The following TNS3 variants were observed in gnomAD, a reference collection of about 807,000 sequenced individuals.
TNS3 encodes the protein tensin-3.
Under a neutral mutation model 140.9 loss-of-function variants are expected in TNS3, and 45 were observed. The ratio of observed to expected loss-of-function variants is 0.32; its 90% CI spans 0.25 to 0.41. The LOEUF (loss-of-function observed/expected upper bound fraction) is 0.41. Ranked by LOEUF, TNS3 falls within the 10% of genes least tolerant of loss-of-function variation. TNS3 has a pLI of 1.00. For missense variants in TNS3, 1,716 were observed against 1,906.7 expected, an observed-to-expected ratio of 0.90 and a Z score of 1.86; for synonymous variants, 815 against 788.4, an observed-to-expected ratio of 1.03 and a Z score of -0.56.
rs1246071773 is a variant in TNS3, at chr7:47,277,627, G to A, written c.*449C>T. 2 of 234,496 alleles carry A rather than the reference G, an allele frequency of 8.5e-6. No individual in the cohort carries two copies. The highest frequency in any genetic ancestry group is 5.7e-5 in the South Asian group (1 of 17,420). The allele number at this position is 234,496 out of a possible 1,614,324, so 14.5% of individuals were successfully genotyped here. A position where few individuals can be genotyped will look rare whatever the true frequency, so the allele number is the denominator to read the frequency against. ...GAAGACCGAGGTGAGGGAAACCCCC[G>A]GCCTCGGGTGCAGCTGGACAGAAGC... On this transcript the variant is annotated 3_prime_UTR_variant, in exon 31 of 31. Transcript: ENST00000311160.
intron 3 of TNS3, among the ~76,000 whole-genome samples, chr7:47,488,697 A>AC (rs1223944176): frequency 6.6e-6 from 1 of 152,074 alleles, no homozygotes; most frequent in East Asian, 1.9e-4. Context: ...ACAAAATGCA[A>AC]CCCCCCAGCA....
In TNS3 at chr7:47,369,134, C is replaced by T. The variant is rs1477529947; in HGVS notation, c.1512G>A (p.Ser504=). ...GGCAGGTGAAGGGACCCAGGTGGGCCGACTGAGGCCCTTCCGAGGAGGACA... is the reference window on the plus strand; with the variant it reads ...GGCAGGTGAAGGGACCCAGGTGGGCTGACTGAGGCCCTTCCGAGGAGGACA... ...GTLSSSEGPQ[S]AHLGPFTCHK... is the part of the protein sequence containing the mutation. The change falls in exon 17 of 31, where the codon TCG becomes TCA. Residue 504 remains serine (S), a synonymous_variant. Transcript: ENST00000311160. 6 of 1,613,768 alleles carry T rather than the reference C, an allele frequency of 3.7e-6. No homozygotes were observed. The highest frequency in any genetic ancestry group is 1.3e-5 in the African/African-American group (1 of 74,936).
chr7:47,422,596 G>C (rs987558759), intron 10 of TNS3, among the ~76,000 whole-genome samples: 17 of 151,470 alleles, frequency 1.1e-4, no homozygotes, highest in Middle Eastern at 3.4e-3. Context: ...CTGGGTGACA[G>C]AGCAACACTC....
chr7:47,370,524 A>G (rs1359996518), intron 16 of TNS3, among the ~76,000 whole-genome samples: 1 of 152,216 alleles, frequency 6.6e-6, no homozygotes. Flanking sequence ...GAAGGGCTGA[A>G]GCATCAGCTG....
chr7:47,291,382 T>G (rs1472466518), intron 27 of TNS3, among the ~76,000 whole-genome samples: 4 of 152,178 alleles, frequency 2.6e-5, no homozygotes, highest in African/African-American at 9.7e-5. Context: ...AACCATAACA[T>G]GTGCATCACT....
intron 1 of TNS3, among the ~76,000 whole-genome samples, chr7:47,580,077 G>A (rs1003815109): frequency 7.9e-5 from 12 of 152,128 alleles, no homozygotes; most frequent in African/African-American, 2.7e-4. Context: ...TATCTTGGTA[G>A]TTTTTTAAAG....
intron 20 of TNS3, among the ~76,000 whole-genome samples, chr7:47,307,574 T>C (rs184565496): frequency 6.6e-6 from 1 of 152,356 alleles, no homozygotes; most frequent in Admixed American, 6.5e-5. Flanking sequence ...CTTGCAGCAT[T>C]TCACATCCCC....
chr7:47,426,956 C>T (rs1047510239), intron 9 of TNS3, among the ~76,000 whole-genome samples: 3 of 151,944 alleles, frequency 2.0e-5, no homozygotes, highest in Admixed American at 6.5e-5. Context: ...GAAACCCTGT[C>T]CCTACTAAAA....
chr7:47,375,762 C>G (rs1225333951), intron 16 of TNS3, among the ~76,000 whole-genome samples: 1 of 152,254 alleles, frequency 6.6e-6, no homozygotes, highest in Non-Finnish European at 1.5e-5. Context: ...AAAGGGACAG[C>G]TGATCTCACA....
chr7:47,434,438 G>A (rs892048969), intron 8 of TNS3, among the ~76,000 whole-genome samples: 3 of 152,080 alleles, frequency 2.0e-5, no homozygotes, highest in Non-Finnish European at 4.4e-5. Flanking sequence ...CCAGCCCACT[G>A]GCTACATCCT....
At position 47,334,888 on chromosome 7, in the gene TNS3, T is replaced by C. The variant is rs187549828; in HGVS notation, c.2650+9867A>G. Reference sequence around the variant, plus strand: ...TCCTAAGGTGCTGGGATTACAGGCATGAGCCACTGCGCCTGGCGAGAACCA... The same window carrying C: ...TCCTAAGGTGCTGGGATTACAGGCACGAGCCACTGCGCCTGGCGAGAACCA... On this transcript the variant is annotated intron_variant, in intron 20 of 30. Transcript: ENST00000311160. Among the ~76,000 whole-genome samples the C allele has an allele frequency of 8.5e-5, 13 of 152,352 alleles. No individual in the cohort carries two copies. The East Asian group carries it at 2.1e-3, about 25-fold the overall frequency.
intron 7 of TNS3, among the ~76,000 whole-genome samples, chr7:47,436,880 C>G (rs943200390): frequency 1.3e-5 from 2 of 152,038 alleles, no homozygotes; most frequent in Non-Finnish European, 2.9e-5. Flanking sequence ...TTGTTCTATA[C>G]ATATATATTA....
At chr7:47,473,307 T>G (rs1402027796) in intron 4 of TNS3, among the ~76,000 whole-genome samples, 1 of 152,196 alleles carries the variant, frequency 6.6e-6, no homozygotes, top group Non-Finnish European at 1.5e-5. Context: ...TCCTTGAAAC[T>G]CTTCTCTCTG....
chr7:47,418,410 T>C (rs1794196846), intron 10 of TNS3, among the ~76,000 whole-genome samples: 1 of 152,230 alleles, frequency 6.6e-6, no homozygotes, highest in Non-Finnish European at 1.5e-5. Context: ...ATACACAGTA[T>C]TTATCTGTGG....
intron 2 of TNS3, among the ~76,000 whole-genome samples, chr7:47,524,758 C>CT (rs1430628244): frequency 7.3e-6 from 1 of 137,316 alleles, no homozygotes; most frequent in Non-Finnish European, 1.5e-5. Context: ...GCCGAGATCG[C>CT]GCCACTGCAG....
chr7:47,309,103 C>A (rs1399529952), intron 20 of TNS3, among the ~76,000 whole-genome samples: 1 of 152,180 alleles, frequency 6.6e-6, no homozygotes, highest in Non-Finnish European at 1.5e-5. Context: ...TGTACTGTCA[C>A]CATGTTTGTT....
chr7:47,552,243 C>CGTCTAGAGCTTGGCACAT (rs1219605526), intron 1 of TNS3, among the ~76,000 whole-genome samples: 3 of 152,080 alleles, frequency 2.0e-5, no homozygotes, highest in Non-Finnish European at 4.4e-5. Context: ...GCCAGGAAGC[C>CGTCTAGAGCTTGGCACAT]GTCTAGAGCT....
intron 4 of TNS3, among the ~76,000 whole-genome samples, chr7:47,467,331 T>A (rs1796761164): frequency 6.6e-6 from 1 of 152,220 alleles, no homozygotes. Context: ...AAAATACTCA[T>A]CCAATTAAAC....
chr7:47,387,722 G>A (rs10951902), intron 16 of TNS3, among the ~76,000 whole-genome samples: 47,466 of 152,020 alleles, frequency 0.31, 8,137 homozygotes, highest in East Asian at 0.65. Flanking sequence ...AATCTAAAAC[G>A]CCTCCCCAGA....
Sources: allele counts gnomAD v4.1 joint callset (sites outside exome capture counted in the v4.1 genomes callset), GRCh38; gene constraint gnomAD v4.1.1; transcripts MANE v1.5; gene names NCBI Gene and HGNC (gene_info 2026-07-23, HGNC 2026-07-21).